ABCC4: variants seen among roughly 807,000 people sequenced by gnomAD.
ABCC4 encodes ATP-binding cassette sub-family C member 4.
In ABCC4, 102 loss-of-function variants were observed where a neutral mutation model predicts 168.5. The observed-to-expected ratio is 0.61, with a 90% CI of 0.52 to 0.71. ABCC4 has a LOEUF of 0.71. ABCC4 is among the 30% of genes least tolerant of loss of function. ABCC4 has a pLI of 0.00. For missense variants in ABCC4, 1,402 were observed against 1,605.8 expected, an observed-to-expected ratio of 0.87 and a Z score of 2.17; for synonymous variants, 617 against 590.7, an observed-to-expected ratio of 1.04 and a Z score of -0.65.
intron 4 of ABCC4, among the ~76,000 whole-genome samples, chr13:95,215,923 A>AAACAAAC (rs1207932354): frequency 1.3e-5 from 2 of 150,256 alleles, no homozygotes; most frequent in Non-Finnish European, 3.0e-5. Flanking sequence ...AGAAACAAAC[A>AAACAAAC]AACAACAACA....
intron 4 of ABCC4, among the ~76,000 whole-genome samples, chr13:95,229,243 G>A (rs1423594199): frequency 6.6e-6 from 1 of 152,030 alleles, no homozygotes; most frequent in Non-Finnish European, 1.5e-5. Flanking sequence ...ATTCTTCTAG[G>A]GCAGATCTGT....
rs1346480183 is a variant in ABCC4 at position 95,234,702 on chromosome 13, T to C, written c.439A>G (p.Ile147Val). 4.3e-6 allele frequency: 7 copies of C among 1,614,126 alleles called. No homozygotes were observed. The highest frequency in any genetic ancestry group is 2.2e-5 in the East Asian group (1 of 44,874). The stretch of plus-strand genomic sequence containing the variant: ...TATAAGTGATGCAGTATAGCCAAAA[T>C]GAGCGTGCAAAAAGTCAGCACCGTG... ...YATVLTFCTL[I>V]LAILHHLYFY... The change falls in exon 4 of 31, where the codon ATT becomes GTT. Residue 147 changes from isoleucine to valine, a missense_variant. This residue lies in a region of ABCC4 where 317 missense variants were observed against 345.5 expected (regional missense o/e 0.92). Transcript: ENST00000645237.
intron 20 of ABCC4, among the ~76,000 whole-genome samples, chr13:95,105,426 TC>T (rs2034968780): frequency 6.6e-6 from 1 of 151,970 alleles, no homozygotes. Context: ...CACTTCTTCA[TC>T]CTCCCTAGAG....
At chr13:95,145,827 C>T (rs2036474874) in intron 19 of ABCC4, among the ~76,000 whole-genome samples, 1 of 152,090 alleles carries the variant, frequency 6.6e-6, no homozygotes, top group African/African-American at 2.4e-5. Context: ...AAGCCATTAT[C>T]CCAAGCAAAT....
intron 19 of ABCC4, among the ~76,000 whole-genome samples, chr13:95,151,652 G>A (rs2036692552): frequency 6.6e-6 from 1 of 151,682 alleles, no homozygotes; most frequent in Admixed American, 6.6e-5. Flanking sequence ...AGAAGAAGGA[G>A]AAGAAATCAT....
At chr13:95,197,396 C>T (rs1249003034) in intron 8 of ABCC4, among the ~76,000 whole-genome samples, 2 of 152,108 alleles carry the variant, frequency 1.3e-5, no homozygotes, top group East Asian at 3.8e-4. Context: ...ACAGAAGTTC[C>T]CCACCTTCAA....
chr13:95,286,137 T>TTTTTTTTTTTTTTTTA (rs71113907), intron 1 of ABCC4, among the ~76,000 whole-genome samples: 11 of 147,790 alleles, frequency 7.4e-5, no homozygotes, highest in South Asian at 2.2e-4. Flanking sequence ...TTTTTTTTTT[T>TTTTTTTTTTTTTTTTA]GAGACGGAGT....
intron 20 of ABCC4, among the ~76,000 whole-genome samples, chr13:95,102,199 C>T (rs1171199007): frequency 6.6e-6 from 1 of 152,072 alleles, no homozygotes; most frequent in East Asian, 1.9e-4. Context: ...GGCTGGAGTG[C>T]AGTAGCACAA....
intron 20 of ABCC4, among the ~76,000 whole-genome samples, chr13:95,109,391 AACACAC>A (rs61165942): frequency 6.2e-4 from 93 of 150,430 alleles, no homozygotes; most frequent in African/African-American, 1.5e-3. Flanking sequence ...CAGGTGTGCA[AACACAC>A]ACACACACAC....
intron 1 of ABCC4, among the ~76,000 whole-genome samples, chr13:95,259,318 T>C (rs1481560263): frequency 6.7e-6 from 1 of 149,808 alleles, no homozygotes; most frequent in Non-Finnish European, 1.5e-5. Context: ...AAGTGGAGGT[T>C]GCGGTGAGCT....
In ABCC4 at chr13:95,076,020, A is replaced by G. The variant is rs190009098; in HGVS notation, c.2687-469T>C. On this transcript the variant is annotated intron_variant, in intron 21 of 30. Coordinates refer to ENST00000645237, the MANE Select transcript of ABCC4 (RefSeq NM_005845.5). ...TTAAATTGCTAATTTCTCAAGGGTCAGCTATAGCCATTGCACCCTGGTAAC... is the reference window on the plus strand; with the variant it reads ...TTAAATTGCTAATTTCTCAAGGGTCGGCTATAGCCATTGCACCCTGGTAAC... Among the ~76,000 whole-genome samples the G allele has an allele frequency of 3.9e-5, 6 of 152,320 alleles. No homozygotes were observed. The East Asian group carries it at 1.2e-3, about 29-fold the overall frequency.
intron 29 of ABCC4, among the ~76,000 whole-genome samples, chr13:95,040,735 T>G (rs1427872009): frequency 1.3e-5 from 2 of 152,244 alleles, no homozygotes; most frequent in Admixed American, 6.5e-5. Flanking sequence ...TGAGTTGTGT[T>G]TCTCCAGCTG....
chr13:95,228,723 C>T (rs2138738589), intron 4 of ABCC4, among the ~76,000 whole-genome samples: 2 of 151,062 alleles, frequency 1.3e-5, no homozygotes, highest in African/African-American at 4.9e-5. Context: ...AAGATCATGC[C>T]ACTGTGCTCT....
intron 29 of ABCC4, among the ~76,000 whole-genome samples, chr13:95,040,070 A>T (rs1204589727): frequency 1.3e-5 from 2 of 152,078 alleles, no homozygotes; most frequent in Non-Finnish European, 1.5e-5. Flanking sequence ...CTTCTCTGGG[A>T]CAAGATACTA....
intron 3 of ABCC4, among the ~76,000 whole-genome samples, chr13:95,244,957 CG>C (rs1359580921): frequency 6.6e-6 from 1 of 152,062 alleles, no homozygotes; most frequent in African/African-American, 2.4e-5. Flanking sequence ...CCCCTCGATC[CG>C]GGCCCCTTCC....
chr13:95,123,902 T>C (rs1377392318), intron 19 of ABCC4, among the ~76,000 whole-genome samples: 5 of 152,108 alleles, frequency 3.3e-5, no homozygotes, highest in Admixed American at 1.3e-4. Context: ...CCTGAGAATT[T>C]GGAAAGAGGG....
At chr13:95,173,664 C>G (rs1379095190) in intron 13 of ABCC4, among the ~76,000 whole-genome samples, 1 of 152,190 alleles carries the variant, frequency 6.6e-6, no homozygotes, top group Non-Finnish European at 1.5e-5. Context: ...GGACTTAGAA[C>G]TGTAGCTTAA....
intron 20 of ABCC4, among the ~76,000 whole-genome samples, chr13:95,087,600 C>T (rs913925708): frequency 2.0e-5 from 3 of 152,142 alleles, no homozygotes; most frequent in South Asian, 4.1e-4. Flanking sequence ...GTATACAAAC[C>T]GACAGGAATA....
chr13:95,212,263 G>A (rs558995589), intron 4 of ABCC4, among the ~76,000 whole-genome samples: 4 of 152,062 alleles, frequency 2.6e-5, no homozygotes, highest in African/African-American at 9.6e-5. Context: ...GAGTGAGGGA[G>A]AAGAAAGGGA....
Sources: gnomAD v4.1 joint callset for allele counts (sites outside exome capture counted in the v4.1 genomes callset) on GRCh38, gnomAD v4.1.1 for gene constraint, gnomAD v4.1.1 regional missense constraint, MANE v1.5 for transcripts, NCBI Gene and HGNC (gene_info 2026-07-23, HGNC 2026-07-21) for gene names.